The following CADM2 variants were observed in gnomAD, a reference collection of about 807,000 sequenced individuals.
CADM2 encodes the protein cell adhesion molecule 2, also known as immunoglobulin superfamily member 4D.
In CADM2, 12 loss-of-function variants were observed where a neutral mutation model predicts 49.8. That is an observed-to-expected ratio of 0.24 (90% confidence interval 0.15 to 0.39). CADM2 has a LOEUF of 0.39. Among genes scored for constraint, CADM2 ranks in the 10% least tolerant of loss-of-function variants. The pLI, the probability that CADM2 is intolerant of heterozygous loss-of-function variation, is 1.00. For missense variants in CADM2, 378 were observed against 492.3 expected (o/e 0.77, Z 2.20); for synonymous variants, 214 against 175.4 (o/e 1.22, Z -1.74).
At chr3:85,111,506 C>T (rs556758127) in intron 1 of CADM2, among the ~76,000 whole-genome samples, 14 of 151,714 alleles carry the variant, frequency 9.2e-5, no homozygotes, top group East Asian at 3.9e-4. Flanking sequence ...GTGAAGTAAA[C>T]GAGGCACAGA....
At chr3:85,872,735 T>TAA (rs2075977145) in intron 3 of CADM2, among the ~76,000 whole-genome samples, 1 of 149,952 alleles carries the variant, frequency 6.7e-6, no homozygotes, top group Non-Finnish European at 1.5e-5. Flanking sequence ...TATATATATA[T>TAA]AATTTAGATA....
At chr3:85,246,482 G>T (rs1003382186) in intron 1 of CADM2, among the ~76,000 whole-genome samples, 48 of 152,032 alleles carry the variant, frequency 3.2e-4, no homozygotes, top group African/African-American at 1.1e-3. Context: ...TTCATTTATT[G>T]TCATTGGTAC....
At chr3:85,061,962 A>T (rs1186166114) in intron 1 of CADM2, among the ~76,000 whole-genome samples, 1 of 151,502 alleles carries the variant, frequency 6.6e-6, no homozygotes, top group Non-Finnish European at 1.5e-5. Flanking sequence ...TATTTCAAGA[A>T]ATATCAGTAT....
intron 1 of CADM2, among the ~76,000 whole-genome samples, chr3:85,634,421 T>A (rs1452572291): frequency 6.6e-6 from 1 of 152,042 alleles, no homozygotes; most frequent in Admixed American, 6.6e-5. Context: ...CTTATTTTCT[T>A]TTTGTACCTC....
intron 1 of CADM2, among the ~76,000 whole-genome samples, chr3:85,036,997 GAAAAAAAA>G (rs10566030): frequency 1.3e-5 from 1 of 78,014 alleles, no homozygotes; most frequent in African/African-American, 5.2e-5. Context: ...ACTAAAAATA[GAAAAAAAA>G]AAAAAAAAAA....
chr3:85,195,177 C>A (rs1367797645), intron 1 of CADM2, among the ~76,000 whole-genome samples: 1 of 152,080 alleles, frequency 6.6e-6, no homozygotes, highest in Non-Finnish European at 1.5e-5. Context: ...ATTGAGAAAG[C>A]ATTACTTTTA....
At chr3:85,928,835 A>C (rs1261492433) in intron 6 of CADM2, among the ~76,000 whole-genome samples, 12 of 152,150 alleles carry the variant, frequency 7.9e-5, no homozygotes, top group Non-Finnish European at 1.8e-4. Flanking sequence ...TTTACTAAGC[A>C]TGAGATATAA....
At chr3:85,026,532 A>C (rs67698601) in intron 1 of CADM2, among the ~76,000 whole-genome samples, 9,251 of 152,234 alleles carry the variant, frequency 0.061, 376 homozygotes, top group South Asian at 0.14. Context: ...TTGTAGTTTT[A>C]TATTTTGTCC....
intron 1 of CADM2, among the ~76,000 whole-genome samples, chr3:85,518,437 A>G (rs573598169): frequency 7.4e-6 from 1 of 135,706 alleles, no homozygotes; most frequent in Non-Finnish European, 1.5e-5. Flanking sequence ...TTTTTTTTTT[A>G]AATCAAATCC....
intron 1 of CADM2, among the ~76,000 whole-genome samples, chr3:85,162,373 A>C (rs898208699): frequency 4.6e-5 from 7 of 152,194 alleles, no homozygotes; most frequent in Admixed American, 3.3e-4. Context: ...ATCATTATGC[A>C]ATAAATAATG....
intron 1 of CADM2, among the ~76,000 whole-genome samples, chr3:85,295,471 G>C (rs1410013953): frequency 6.6e-6 from 1 of 152,078 alleles, no homozygotes; most frequent in Non-Finnish European, 1.5e-5. Context: ...AAATCATGCT[G>C]CTATAAAGAC....
chr3:85,376,817 G>A (rs1398258065), intron 1 of CADM2, among the ~76,000 whole-genome samples: 1 of 151,914 alleles, frequency 6.6e-6, no homozygotes, highest in African/African-American at 2.4e-5. Flanking sequence ...TGAAAAAAAG[G>A]CTTTTAAGGG....
At chr3:85,857,922 T>G (rs1158725146) in intron 3 of CADM2, among the ~76,000 whole-genome samples, 2 of 152,216 alleles carry the variant, frequency 1.3e-5, no homozygotes. Context: ...AAAAATCTAA[T>G]TTTAATTCCC....
intron 8 of CADM2, chr3:86,014,714 C>A (rs1559801604): frequency 6.6e-7 from 1 of 1,520,842 alleles, no homozygotes; most frequent in Non-Finnish European, 8.8e-7. Flanking sequence ...ACCATGCTGA[C>A]ATGTGTAGAA....
chr3:85,082,494 C>T (rs763247454), intron 1 of CADM2, among the ~76,000 whole-genome samples: 18 of 152,086 alleles, frequency 1.2e-4, no homozygotes, highest in Non-Finnish European at 1.6e-4. Context: ...ACAGTGACTA[C>T]GGATTGAAAA....
At chr3:85,000,231 A>G (rs924136974) in intron 1 of CADM2, among the ~76,000 whole-genome samples, 2 of 151,126 alleles carry the variant, frequency 1.3e-5, no homozygotes, top group East Asian at 3.9e-4. Context: ...CTCCTACCTT[A>G]CACTCTAGAG....
At chr3:85,828,922 T>G (rs1002203924) in intron 3 of CADM2, among the ~76,000 whole-genome samples, 17 of 151,978 alleles carry the variant, frequency 1.1e-4, no homozygotes, top group African/African-American at 3.9e-4. Flanking sequence ...GAAGTTCCTT[T>G]CCTACATTAT....
intron 1 of CADM2, among the ~76,000 whole-genome samples, chr3:85,398,504 C>A (rs953330000): frequency 2.6e-5 from 4 of 152,108 alleles, no homozygotes; most frequent in Admixed American, 2.0e-4. Flanking sequence ...GATTTATAAT[C>A]CTTTGGGTAT....
At chr3:85,956,783 G>C (rs956435358) in intron 7 of CADM2, among the ~76,000 whole-genome samples, 4 of 150,716 alleles carry the variant, frequency 2.7e-5, no homozygotes, top group African/African-American at 9.7e-5. Context: ...CATATTTACA[G>C]AGCCATTTGC....
Sources: gnomAD v4.1 joint callset for allele counts (sites outside exome capture counted in the v4.1 genomes callset) on GRCh38, gnomAD v4.1.1 for gene constraint, MANE v1.5 for transcripts, NCBI Gene and HGNC (gene_info 2026-07-23, HGNC 2026-07-21) for gene names.